The following NCF4 variants were observed in gnomAD, a reference collection of about 807,000 sequenced individuals.
NCF4 encodes the protein neutrophil cytosol factor 4.
A neutral mutation model predicts 41.7 loss-of-function variants in NCF4; 30 were observed. That is an observed-to-expected ratio of 0.72 (90% CI 0.54 to 0.97). The LOEUF is 0.97. Among genes scored for constraint, NCF4 ranks in the 50% least tolerant of loss-of-function variants. The pLI is 0.00. For synonymous variants in NCF4, 195 were observed against 175.8 expected (o/e 1.11, Z -0.87); for missense variants, 432 against 460.9 (o/e 0.94, Z 0.57).
chr22:36,875,604 C>A (rs1940173183), intron 7 of NCF4, 49 bp from the exon 8 acceptor site: 1 of 1,561,580 alleles, frequency 6.4e-7, no homozygotes, highest in Non-Finnish European at 8.8e-7. Context: ...AGGCGTGGCT[C>A]TGCTGCCTCT....
Position 36,870,398 on chromosome 22 carries a change from C to T in NCF4, c.343-17C>T, listed in dbSNP as rs1940025218. 6.2e-7 allele frequency: 1 copy of T among 1,613,538 alleles called. No individual in the cohort carries two copies. The highest frequency in any genetic ancestry group is 8.5e-7 in the Non-Finnish European group (1 of 1,180,044). On this transcript the variant is annotated splice_polypyrimidine_tract_variant and intron_variant, in intron 4 of 9. Coordinates refer to ENST00000248899, the MANE Select transcript of NCF4 (RefSeq NM_000631.5). Reference sequence around the variant, plus strand: ...TCTGCTGACTACCCCACCGGTTCTGCTGTCTCACCCACACAGAGCCTGCTC... The same window carrying T: ...TCTGCTGACTACCCCACCGGTTCTGTTGTCTCACCCACACAGAGCCTGCTC...
At chr22:36,867,356 G>A (rs918341272) in intron 3 of NCF4, 36 bp from the exon 4 acceptor site, 1 of 1,613,252 alleles carries the variant, frequency 6.2e-7, no homozygotes, top group East Asian at 2.2e-5. Context: ...GCCATGTTGG[G>A]CCAGGCTCCT....
rs937211575 is a variant in NCF4, at chr22:36,865,622, G to A, written c.271+550G>A. Among the ~76,000 whole-genome samples, 2 of 151,994 alleles carry A rather than the reference G, an allele frequency of 1.3e-5. No homozygotes were observed. Among genetic ancestry groups the A allele is most frequent in the Non-Finnish European group, 2.9e-5 (2 of 68,002 alleles). ...TTCCTCCCCAGCTGGATCCTAACGCGCACCTTGGACAGCGCCAAGCCCTTA... is the reference window on the plus strand; with the variant it reads ...TTCCTCCCCAGCTGGATCCTAACGCACACCTTGGACAGCGCCAAGCCCTTA... On this transcript the variant is annotated intron_variant, in intron 3 of 9. Coordinates refer to ENST00000248899, the MANE Select transcript of NCF4 (RefSeq NM_000631.5). This position sits in a 1 kb window ranked among gnomAD's most constrained non-coding sequence, Gnocchi z 4.3.
At chr22:36,875,235 G>A (rs1181683633) in intron 7 of NCF4, among the ~76,000 whole-genome samples, 1 of 151,994 alleles carries the variant, frequency 6.6e-6, no homozygotes, top group Non-Finnish European at 1.5e-5. Flanking sequence ...TCACCAAGTT[G>A]GCCAGGCTGG....
At chr22:36,874,447 G>A (rs893565444) in intron 7 of NCF4, among the ~76,000 whole-genome samples, 1 of 152,192 alleles carries the variant, frequency 6.6e-6, no homozygotes, top group Non-Finnish European at 1.5e-5. Context: ...GTGACCACTG[G>A]TTTAGCCAGT....
chr22:36,862,787 A>T (rs1224612405), intron 1 of NCF4, among the ~76,000 whole-genome samples: 1 of 152,182 alleles, frequency 6.6e-6, no homozygotes, highest in Non-Finnish European at 1.5e-5. Flanking sequence ...CCAAGGTGAG[A>T]CATCCAAAGA....
At position 36,870,554 on chromosome 22, in the gene NCF4, G is replaced by A. The variant is rs1015512311; in HGVS notation, c.470+12G>A. 2 of 1,609,978 alleles carry A rather than the reference G, an allele frequency of 1.2e-6. No homozygotes were observed. The highest frequency in any genetic ancestry group is 1.7e-6 in the Non-Finnish European group (2 of 1,180,002). On this transcript the variant is annotated intron_variant, in intron 5 of 9. Transcript: ENST00000248899. ...CGCACCCGGAAAGTGTAAGTGACCA[G>A]CCCCTGGGCTTCCACATGGCCAGAG...
intron 1 of NCF4, among the ~76,000 whole-genome samples, chr22:36,862,744 C>T (rs568074877): frequency 1.5e-4 from 23 of 152,318 alleles, no homozygotes; most frequent in East Asian, 7.7e-4. Flanking sequence ...AAGGAGAGGG[C>T]GCAGGTTCGC....
rs1940179345 is a variant in NCF4, at chr22:36,875,829, C to T, written c.758+46C>T. 1.2e-6 allele frequency: 2 copies of T among 1,613,924 alleles called. No individual in the cohort carries two copies. The highest frequency in any genetic ancestry group is 8.5e-7 in the Non-Finnish European group (1 of 1,180,002). On this transcript the variant is annotated intron_variant, in intron 8 of 9. Coordinates refer to ENST00000248899, the MANE Select transcript of NCF4 (RefSeq NM_000631.5). ...GGGCCTGTCCAGCCTTCCTGCCATC[C>T]CTACGACCACTGCCCCTCACATCAC...
chr22:36,864,989 A>G lies in NCF4; in HGVS notation c.188A>G (p.His63Arg), dbSNP rs767668921. ...YLIYRRYRQF[H>R]ALQSKLEERF... ...ATCTACCGCCGCTACCGCCAGTTCC[A>G]TGCTTTGCAGAGCAAGCTGGAGGAG... Residue 63 changes from histidine (H) to arginine (R), a missense_variant, in exon 3 of 10, where the codon CAT becomes CGT. Coordinates refer to ENST00000248899, the MANE Select transcript of NCF4 (RefSeq NM_000631.5). The G allele has an allele frequency of 3.1e-6, 5 of 1,614,064 alleles. No homozygotes were observed. The highest frequency in any genetic ancestry group is 4.2e-6 in the Non-Finnish European group (5 of 1,180,016).
chr22:36,873,751 T>C (rs755787976), intron 7 of NCF4, among the ~76,000 whole-genome samples: 7 of 152,244 alleles, frequency 4.6e-5, no homozygotes, highest in Admixed American at 2.6e-4. Context: ...GTCCTGAGCA[T>C]TGCAGGCTGT....
chr22:36,875,834 G>C, intron 8 of NCF4, 51 bp downstream of exon 8: 4 of 1,613,938 alleles, frequency 2.5e-6, no homozygotes, highest in African/African-American at 1.3e-5. Context: ...CCATCCCTAC[G>C]ACCACTGCCC....
In NCF4 at chr22:36,865,699, C is replaced by G. The variant is rs1475680679; in HGVS notation, c.271+627C>G. Among the ~76,000 whole-genome samples the G allele has an allele frequency of 6.6e-6, 1 of 152,202 alleles. No homozygotes were observed. Among genetic ancestry groups the G allele is most frequent in the African/African-American group, 2.4e-5 (1 of 41,446 alleles). ...GAAACCCCATCACGAATGGGTTACA[C>G]GGGGGTGGTCTCAGCGGCGCCCTTC... On this transcript the variant is annotated intron_variant, in intron 3 of 9. Coordinates refer to ENST00000248899, the MANE Select transcript of NCF4 (RefSeq NM_000631.5). The surrounding 1 kb of genome is among the most constrained non-coding windows in gnomAD (Gnocchi z 4.3).
intron 5 of NCF4, among the ~76,000 whole-genome samples, chr22:36,871,070 T>G (rs1940043833): frequency 6.6e-6 from 1 of 152,184 alleles, no homozygotes; most frequent in African/African-American, 2.4e-5. Flanking sequence ...AAAGCCCAGG[T>G]TGCTGCTACT....
chr22:36,866,546 A>C (rs1939930980), intron 3 of NCF4, among the ~76,000 whole-genome samples: 1 of 151,490 alleles, frequency 6.6e-6, no homozygotes, highest in African/African-American at 2.4e-5. Flanking sequence ...TGGCAAACTG[A>C]CCCATGTCTG....
chr22:36,866,763 G>A (rs897008725), intron 3 of NCF4, among the ~76,000 whole-genome samples: 32 of 152,140 alleles, frequency 2.1e-4, no homozygotes, highest in African/African-American at 7.7e-4. Context: ...TTTGTCTCTT[G>A]GTAGCCCGTC....
At chr22:36,866,118 A>G (rs1360710724) in intron 3 of NCF4, among the ~76,000 whole-genome samples, 1 of 152,042 alleles carries the variant, frequency 6.6e-6, no homozygotes, top group Non-Finnish European at 1.5e-5. Flanking sequence ...GCATTCTTAC[A>G]AGCCTCCCTG....
rs754075839 is a variant in NCF4 at position 36,876,041 on chromosome 22, G to A, written c.771G>A (p.Val257=). 6.2e-6 allele frequency: 10 copies of A among 1,612,680 alleles called. No homozygotes were observed. Among genetic ancestry groups the A allele is most frequent in the African/African-American group, 2.7e-5 (2 of 74,880 alleles). The change falls in exon 9 of 10, where the codon GTG becomes GTA. Residue 257 remains valine, a synonymous_variant. Transcript: ENST00000248899. The part of the protein sequence containing the change: ...DTISTIKDIA[V]EEDLSSTPLL... ...GTCACCCCCTTAGGGACATCGCGGT[G>A]GAGGAAGATCTCAGCAGCACTCCCC...
chr22:36,869,621 C>T (rs538773041), intron 4 of NCF4, among the ~76,000 whole-genome samples: 2 of 152,270 alleles, frequency 1.3e-5, no homozygotes, highest in South Asian at 4.1e-4. Context: ...CCCTCAGTGT[C>T]CCCAGACCTG....
Sources: allele counts gnomAD v4.1 joint callset (sites outside exome capture counted in the v4.1 genomes callset), GRCh38; gene constraint gnomAD v4.1.1; non-coding constraint Gnocchi (gnomAD v3.1); transcripts MANE v1.5; gene names NCBI Gene and HGNC (gene_info 2026-07-23, HGNC 2026-07-21).